ATRX: variants seen among roughly 807,000 people sequenced by gnomAD.
ATRX encodes the protein ATRX chromatin remodeler.
ATRX carries 12 observed loss-of-function variants against 172.6 expected under a neutral mutation model. The observed-to-expected ratio is 0.07, with a 90% CI of 0.04 to 0.11. ATRX has a LOEUF of 0.11. ATRX is among the 10% of genes least tolerant of loss of function. The pLI, the probability that ATRX is intolerant of heterozygous loss-of-function variation, is 1.00. For missense variants in ATRX, 1,368 were observed against 1,767.4 expected (o/e 0.77, Z 4.05); for synonymous variants, 674 against 594.7 (o/e 1.13, Z -1.94).
intron 1 of ATRX, among the ~76,000 whole-genome samples, chrX:77,774,687 A>C (rs2076287057): frequency 9.0e-6 from 1 of 111,001 alleles, no homozygotes; most frequent in African/African-American, 3.3e-5. Flanking sequence ...AAAAAAAAAA[A>C]AATGGTATTG....
At chrX:77,558,882 T>C in intron 28 of ATRX, 36 bp from the exon 29 acceptor site, 1 of 1,062,865 alleles carries the variant, frequency 9.4e-7, no homozygotes, top group Non-Finnish European at 1.3e-6. Context: ...GCTTCAGTAA[T>C]TAGTACTTTA....
At chrX:77,619,907 T>C (rs1260866805) in intron 20 of ATRX, among the ~76,000 whole-genome samples, 7 of 111,810 alleles carry the variant, frequency 6.3e-5, no homozygotes, top group Non-Finnish European at 5.7e-5. Flanking sequence ...AATTCACAAG[T>C]CATTTCCCTA....
chrX:77,719,467 C>T (rs1557167480), intron 1 of ATRX, among the ~76,000 whole-genome samples: 2 of 109,961 alleles, frequency 1.8e-5, no homozygotes, highest in East Asian at 2.9e-4. Context: ...TACATAGGTT[C>T]AAAATAAAGG....
chrX:77,678,533 C>A (rs782104641), intron 9 of ATRX, among the ~76,000 whole-genome samples: 1 of 112,325 alleles, frequency 8.9e-6, no homozygotes, highest in Admixed American at 9.4e-5. Context: ...GTCGCCCAGG[C>A]TCAAGTGCAG....
intron 1 of ATRX, among the ~76,000 whole-genome samples, chrX:77,727,273 G>A (rs961484669): frequency 2.7e-5 from 3 of 111,696 alleles, no homozygotes; most frequent in Non-Finnish European, 3.8e-5. Context: ...ACAGTGTGAC[G>A]ATTCCACAAT....
intron 7 of ATRX, among the ~76,000 whole-genome samples, chrX:77,685,609 T>C (rs1557143408): frequency 8.9e-6 from 1 of 111,769 alleles, no homozygotes; most frequent in East Asian, 2.8e-4. Context: ...ATGAGTACAA[T>C]CACTATAGAA....
chrX:77,598,684 G>A (rs1485678323), intron 25 of ATRX, among the ~76,000 whole-genome samples: 1 of 111,550 alleles, frequency 9.0e-6, no homozygotes, highest in Non-Finnish European at 1.9e-5. Flanking sequence ...CAGTTTTTAA[G>A]CTCCTAGGCA....
intron 2 of ATRX, among the ~76,000 whole-genome samples, chrX:77,701,512 C>CAA (rs782403250): frequency 7.2e-4 from 44 of 61,001 alleles, no homozygotes; most frequent in African/African-American, 2.4e-3. Context: ...AACTCCGTCT[C>CAA]AAAAAAAAAA....
chrX:77,780,767 C>G (rs1385264321), intron 1 of ATRX, among the ~76,000 whole-genome samples: 1 of 109,401 alleles, frequency 9.1e-6, no homozygotes, highest in African/African-American at 3.3e-5. Context: ...AAAGTGAGAC[C>G]ACTGTTTCTA....
At position 77,521,682 on chromosome X, in the gene ATRX, T is replaced by C. The variant is rs782329174; in HGVS notation, c.6976-184A>G. The stretch of plus-strand genomic sequence containing the variant: ...CCATATCAATGCTCAAAGAGTCTTG[T>C]TAGGAAGATTAAAAAAGTTTGAGTT... On this transcript the variant is annotated intron_variant, in intron 32 of 34. Coordinates refer to ENST00000373344, the MANE Select transcript of ATRX (RefSeq NM_000489.6). 147 of 363,242 alleles carry C rather than the reference T, an allele frequency of 4.0e-4. 1 individual carries two copies. The Middle Eastern group carries it at 5.6e-3, about 14-fold the overall frequency. 29.9% of individuals were successfully genotyped at this position (363,242 alleles called of 1,213,427 possible). A position where few individuals can be genotyped will look rare whatever the true frequency, so the allele number is the denominator to read the frequency against.
intron 26 of ATRX, among the ~76,000 whole-genome samples, chrX:77,591,015 A>G (rs2066228740): frequency 8.9e-6 from 1 of 112,408 alleles, no homozygotes; most frequent in African/African-American, 3.2e-5. Flanking sequence ...ATTCTATAAC[A>G]CTTTGTCATT....
chrX:77,585,583 CAAAAAAAAAAAAAAAAAAA>C (rs781792876), intron 27 of ATRX, among the ~76,000 whole-genome samples: 21 of 8,552 alleles, frequency 2.5e-3, no homozygotes, highest in East Asian at 4.8e-3. Flanking sequence ...CTCCCCCCAC[CAAAAAAAAAAAAAAAAAAA>C]AAAAAAAAAA....
intron 1 of ATRX, among the ~76,000 whole-genome samples, chrX:77,753,356 C>G (rs1345591437): frequency 1.8e-5 from 2 of 111,275 alleles, no homozygotes; most frequent in African/African-American, 6.5e-5. Context: ...ATTCTTCTCT[C>G]TTTTCTTCTT....
chrX:77,566,219 G>T (rs1557064470), intron 28 of ATRX, among the ~76,000 whole-genome samples: 1 of 111,234 alleles, frequency 9.0e-6, no homozygotes, highest in Non-Finnish European at 1.9e-5. Context: ...AAATATATCA[G>T]TCATCTTCCA....
chrX:77,678,439 T>C (rs2071021048), intron 9 of ATRX, among the ~76,000 whole-genome samples: 1 of 112,461 alleles, frequency 8.9e-6, no homozygotes, highest in Non-Finnish European at 1.9e-5. Flanking sequence ...AATATTTAAG[T>C]AGTTCACTTG....
intron 12 of ATRX, among the ~76,000 whole-genome samples, chrX:77,660,521 C>A (rs978390140): frequency 9.2e-6 from 1 of 109,166 alleles, no homozygotes; most frequent in African/African-American, 3.3e-5. Flanking sequence ...GAGCCGAGAT[C>A]GCGCCACTGC....
At chrX:77,695,164 G>A (rs1557149246) in intron 5 of ATRX, among the ~76,000 whole-genome samples, 1 of 109,542 alleles carries the variant, frequency 9.1e-6, no homozygotes, top group African/African-American at 3.3e-5. Flanking sequence ...GATTCAAGCA[G>A]ACCTGGGTTG....
intron 1 of ATRX, among the ~76,000 whole-genome samples, chrX:77,769,251 T>C (rs1371963940): frequency 1.8e-5 from 2 of 110,476 alleles, no homozygotes; most frequent in African/African-American, 6.6e-5. Context: ...TACACAAGGA[T>C]TGTTTTTTCC....
chrX:77,641,470 ACTCAGGAG>A (rs1323448186), intron 15 of ATRX, among the ~76,000 whole-genome samples: 1 of 109,102 alleles, frequency 9.2e-6, no homozygotes, highest in Non-Finnish European at 1.9e-5. Context: ...AGTCCCAGCT[ACTCAGGAG>A]GCTGAGGCAG....
Sources: allele counts gnomAD v4.1 joint callset (sites outside exome capture counted in the v4.1 genomes callset), GRCh38; gene constraint gnomAD v4.1.1; transcripts MANE v1.5; gene names NCBI Gene and HGNC (gene_info 2026-07-23, HGNC 2026-07-21).